The following TDRKH variants were observed in gnomAD, a reference collection of about 807,000 sequenced individuals.
TDRKH encodes the protein tudor and KH domain-containing protein.
In TDRKH, 28 loss-of-function variants were observed where a neutral mutation model predicts 61.3. The observed-to-expected ratio is 0.46, with a 90% CI of 0.34 to 0.63. The LOEUF (loss-of-function observed/expected upper bound fraction) is 0.63, where lower values mean the gene tolerates loss of function less well. TDRKH is among the 20% of genes least tolerant of loss of function. The pLI is 0.01. For missense variants in TDRKH, 540 were observed against 683.4 expected, an observed-to-expected ratio of 0.79 and a Z score of 2.34; for synonymous variants, 219 against 244.4, an observed-to-expected ratio of 0.90 and a Z score of 0.97.
At position 151,787,195 on chromosome 1, in the gene TDRKH, ACTT is replaced by A. The variant is rs757325731; in HGVS notation, c.-28+3182_-28+3184del. On this transcript the variant is annotated intron_variant, in intron 1 of 12. Coordinates refer to ENST00000368824, the MANE Select transcript of TDRKH (RefSeq NM_001083965.2). The stretch of plus-strand genomic sequence containing the variant: ...ATTCTTGGTGTCTAGAAAGAATTTG[ACTT>A]CTTTTGTCCCCTGATTACTTTAGAT... 6.8e-4 allele frequency among the ~76,000 whole-genome samples: 104 copies of A among 152,174 alleles called. 1 individual carries two copies. The highest frequency in any genetic ancestry group is 3.2e-3 in the Middle Eastern group (1 of 316).
chr1:151,770,574 A>G (rs1017275020), downstream of TDRKH: 4 of 315,258 alleles, frequency 1.3e-5, no homozygotes, highest in African/African-American at 8.9e-5. Context: ...TACAATGTGA[A>G]AGGGTCAGAC....
At chr1:151,781,388 A>G (rs567862594) in intron 3 of TDRKH, 93 bp downstream of exon 3, 1 of 841,352 alleles carries the variant, frequency 1.2e-6, no homozygotes, top group East Asian at 2.6e-5. Flanking sequence ...AGAGCATGTG[A>G]ATGTTTTGTG....
intron 3 of TDRKH, among the ~76,000 whole-genome samples, 153 bp downstream of exon 3, chr1:151,781,328 A>ATATATATATAGATATATATATATATAT (rs1553282748): frequency 1.5e-5 from 1 of 68,600 alleles, no homozygotes; most frequent in African/African-American, 4.8e-5. Context: ...AAAAAAAAAA[A>ATATATATATAGATATATATATATATAT]ATATATATAT....
chr1:151,784,260 C>T (rs1650107507), intron 1 of TDRKH, among the ~76,000 whole-genome samples: 1 of 152,216 alleles, frequency 6.6e-6, no homozygotes, highest in South Asian at 2.1e-4. Context: ...CTCCTTGCTT[C>T]TACTACATGA....
intron 6 of TDRKH, among the ~76,000 whole-genome samples, chr1:151,777,719 A>ATTTTTTTTTT (rs35582886): frequency 7.7e-6 from 1 of 129,702 alleles, no homozygotes; most frequent in Non-Finnish European, 1.6e-5. Context: ...AAAATAGTTA[A>ATTTTTTTTTT]TTTTTTTTTT....
At chr1:151,779,877 A>C in intron 4 of TDRKH, 74 bp downstream of exon 4, 1 of 1,464,384 alleles carries the variant, frequency 6.8e-7, no homozygotes, top group Non-Finnish European at 9.2e-7. Flanking sequence ...GGCCAGAAAA[A>C]ACCCTGGGAA....
At chr1:151,779,871 A>G in intron 4 of TDRKH, 80 bp downstream of exon 4, 1 of 1,443,734 alleles carries the variant, frequency 6.9e-7, no homozygotes, top group Non-Finnish European at 9.3e-7. Context: ...GAACTAGGCC[A>G]GAAAAAACCC....
At chr1:151,768,222 C>G (rs1323736104), downstream of TDRKH, 10 of 1,611,704 alleles carry the variant, frequency 6.2e-6, no homozygotes, top group South Asian at 1.1e-4. Context: ...TGGATCAAGG[C>G]AACCGGGAAA....
intron 3 of TDRKH, 138 bp downstream of exon 3, chr1:151,781,343 A>T (rs1174253933): frequency 1.8e-5 from 3 of 165,562 alleles, no homozygotes; most frequent in African/African-American, 5.6e-5. Flanking sequence ...ATATATATAT[A>T]TTTTATATAT....
intron 1 of TDRKH, among the ~76,000 whole-genome samples, chr1:151,784,465 C>T (rs947125838): frequency 6.6e-6 from 1 of 152,220 alleles, no homozygotes; most frequent in African/African-American, 2.4e-5. Flanking sequence ...ACATCAGAGT[C>T]ACCAATGATT....
At chr1:151,783,714 T>C (rs1222798190) in intron 1 of TDRKH, 1 of 152,324 alleles carries the variant, frequency 6.6e-6, no homozygotes, top group African/African-American at 2.4e-5. Flanking sequence ...TTTCCTCTTA[T>C]TTCCCTGGAG....
At chr1:151,776,777 T>C (rs947357348) in intron 6 of TDRKH, among the ~76,000 whole-genome samples, 178 bp from the exon 7 acceptor site, 20 of 152,380 alleles carry the variant, frequency 1.3e-4, no homozygotes, top group Admixed American at 2.6e-4. Flanking sequence ...AGCTATCCTT[T>C]GTACCTTTCC....
rs1368765216 is a variant in TDRKH at position 151,785,353 on chromosome 1, A to G, written c.-27-2304T>C. On this transcript the variant is annotated intron_variant, in intron 1 of 12. Transcript: ENST00000368824. ...GAATCTGACCACTTTTTCTCTTTGC[A>G]GTTCTATGACCCTGCTCTAAAACAC... Among the ~76,000 whole-genome samples the G allele has an allele frequency of 1.3e-5, 2 of 152,146 alleles. 1 individual carries two copies. The highest frequency in any genetic ancestry group is 3.8e-4 in the East Asian group (2 of 5,198).
chr1:151,770,270 T>C (rs1648624208), downstream of TDRKH: 2 of 1,611,202 alleles, frequency 1.2e-6, no homozygotes, highest in Middle Eastern at 1.7e-4. Flanking sequence ...GGGGATCTGC[T>C]GTTCTTCCTT....
chr1:151,772,830 A>G (rs1307955162), downstream of TDRKH, among the ~76,000 whole-genome samples: 1 of 152,132 alleles, frequency 6.6e-6, no homozygotes, highest in East Asian at 1.9e-4. Flanking sequence ...TTTTCTTTTG[A>G]ATAGTATAGG....
chr1:151,767,167 A>G (rs1648394750), downstream of TDRKH: 1 of 1,613,594 alleles, frequency 6.2e-7, no homozygotes, highest in Non-Finnish European at 8.5e-7. Flanking sequence ...AACCAGCATC[A>G]CTTATAAGGA....
chr1:151,778,745 T>C lies in TDRKH; in HGVS notation c.823A>G (p.Ser275Gly). Residue 275 changes from serine (S) to glycine (G), a missense_variant, in exon 6 of 13, where the codon AGT becomes GGT. This residue lies in a region of TDRKH where 379 missense variants were observed against 443.8 expected (regional missense o/e 0.85). Transcript: ENST00000368824. ...TCAGACTTCTGAAAGCTGTCATCAC[T>C]AGGTTTCTCCCAGGAACCTTCCTTT... ...VSKEGSWEKP[S>G]DDSFQKSEAQ... 6.2e-7 allele frequency: 1 copy of C among 1,614,238 alleles called. No individual in the cohort carries two copies. The highest frequency in any genetic ancestry group is 8.5e-7 in the Non-Finnish European group (1 of 1,180,050).
At chr1:151,781,271 C>G (rs1408071960) in intron 3 of TDRKH, among the ~76,000 whole-genome samples, 1 of 143,100 alleles carries the variant, frequency 7.0e-6, no homozygotes, top group African/African-American at 2.6e-5. Context: ...GAGCCGAGAT[C>G]GTGCCATTGC....
chr1:151,770,137 G>T (rs1389029763), downstream of TDRKH: 7 of 1,610,960 alleles, frequency 4.3e-6, no homozygotes, highest in Non-Finnish European at 5.9e-6. Flanking sequence ...AGAGGGAGCG[G>T]CCAAACATTT....
Sources: allele counts gnomAD v4.1 joint callset (sites outside exome capture counted in the v4.1 genomes callset), GRCh38; gene constraint gnomAD v4.1.1; regional missense constraint gnomAD v4.1.1; transcripts MANE v1.5; gene names NCBI Gene and HGNC (gene_info 2026-07-23, HGNC 2026-07-21).